SNX25: variants seen among roughly 807,000 people sequenced by gnomAD.
SNX25 encodes sorting nexin-25.
In SNX25, 62 loss-of-function variants were observed where a neutral mutation model predicts 113.7. The ratio of observed to expected loss-of-function variants is 0.55; its 90% CI spans 0.44 to 0.67. The LOEUF (loss-of-function observed/expected upper bound fraction) is 0.67. Ranked by LOEUF, SNX25 falls within the 30% of genes least tolerant of loss-of-function variation. The pLI, the probability that SNX25 is intolerant of heterozygous loss-of-function variation, is 0.00. For missense variants in SNX25, 1,014 were observed against 1,161.0 expected, an observed-to-expected ratio of 0.87 and a Z score of 1.84; for synonymous variants, 421 against 436.2, an observed-to-expected ratio of 0.97 and a Z score of 0.43.
At position 185,290,650 on chromosome 4, in the gene SNX25, A is replaced by G. The variant is rs557537073; in HGVS notation, c.1162+2568A>G. On this transcript the variant is annotated intron_variant, in intron 6 of 18. Transcript: ENST00000652585. ...TGAGAATGTGTGTACATGTTTATAT[A>G]TAAGGACAAAGTAACTGTCAAGAAT... 2.7e-5 allele frequency among the ~76,000 whole-genome samples: 4 copies of G among 149,664 alleles called. No homozygotes were observed. The South Asian group carries it at 9.0e-4, about 34-fold the overall frequency.
At chr4:185,256,679 G>A (rs1447096089) in intron 2 of SNX25, among the ~76,000 whole-genome samples, 2 of 133,214 alleles carry the variant, frequency 1.5e-5, no homozygotes, top group Non-Finnish European at 3.1e-5. Context: ...AGGCTGGAAT[G>A]CAGTGGCGCT....
At chr4:185,207,149 T>C (rs1182371183), upstream of SNX25, among the ~76,000 whole-genome samples, 2 of 152,056 alleles carry the variant, frequency 1.3e-5, no homozygotes, top group African/African-American at 4.8e-5. Context: ...AAATAATCCT[T>C]TGTCAGTTTT....
chr4:185,335,870 A>C (rs1448010834), intron 10 of SNX25, among the ~76,000 whole-genome samples: 1 of 152,196 alleles, frequency 6.6e-6, no homozygotes, highest in Non-Finnish European at 1.5e-5. Context: ...TGGAATTAAA[A>C]CAGACATGAA....
At chr4:185,263,196 T>C (rs940591164) in intron 3 of SNX25, among the ~76,000 whole-genome samples, 2 of 152,192 alleles carry the variant, frequency 1.3e-5, no homozygotes, top group Non-Finnish European at 2.9e-5. Flanking sequence ...TGAGAGAGAT[T>C]TTGATATTGT....
chr4:185,284,915 T>C (rs1368311915), intron 5 of SNX25, among the ~76,000 whole-genome samples: 1 of 152,174 alleles, frequency 6.6e-6, no homozygotes, highest in East Asian at 1.9e-4. Flanking sequence ...TGATGTTTAT[T>C]AGTAGTATAT....
At chr4:185,216,519 T>TG (rs1738858375) in intron 1 of SNX25, among the ~76,000 whole-genome samples, 1 of 146,114 alleles carries the variant, frequency 6.8e-6, no homozygotes, top group African/African-American at 2.6e-5. Context: ...TTTGGTTTTT[T>TG]TTTTTTTTTT....
chr4:185,224,458 G>GATATATAA (rs1443718789), intron 1 of SNX25, among the ~76,000 whole-genome samples: 241 of 22,232 alleles, frequency 0.011, 5 homozygotes, highest in South Asian at 0.029. Context: ...TATATATATA[G>GATATATAA]ATATATAAAT....
chr4:185,302,693 C>T (rs559857255), intron 6 of SNX25, among the ~76,000 whole-genome samples: 62 of 152,340 alleles, frequency 4.1e-4, no homozygotes, highest in African/African-American at 1.5e-3. Flanking sequence ...TGTGGACTTC[C>T]AGCCTCCAGA....
At chr4:185,337,773 A>G (rs2095239343) in intron 10 of SNX25, among the ~76,000 whole-genome samples, 1 of 152,118 alleles carries the variant, frequency 6.6e-6, no homozygotes, top group Non-Finnish European at 1.5e-5. Context: ...TTATTTTCTT[A>G]TTTCATAACC....
At chr4:185,218,886 T>C (rs922454566) in intron 1 of SNX25, among the ~76,000 whole-genome samples, 7 of 85,904 alleles carry the variant, frequency 8.1e-5, no homozygotes, top group African/African-American at 2.3e-4. Context: ...TTAAACTAAT[T>C]TTAAAGTTTT....
chr4:185,336,921 A>G (rs1294602806), intron 10 of SNX25, among the ~76,000 whole-genome samples: 2 of 152,114 alleles, frequency 1.3e-5, no homozygotes, highest in Non-Finnish European at 2.9e-5. Flanking sequence ...AGTGATGTTG[A>G]GCATTTTTTC....
chr4:185,207,470 G>C (rs897886341), upstream of SNX25, among the ~76,000 whole-genome samples: 1 of 151,898 alleles, frequency 6.6e-6, no homozygotes, highest in African/African-American at 2.4e-5. Context: ...CAGCCACCTC[G>C]GCTTCCCAAA....
At chr4:185,371,272 G>T (rs577399574), downstream of SNX25, among the ~76,000 whole-genome samples, 1 of 152,266 alleles carries the variant, frequency 6.6e-6, no homozygotes, top group Non-Finnish European at 1.5e-5. Flanking sequence ...GGGCGCGGTG[G>T]CTCACGCCTG....
Position 185,357,658 on chromosome 4 carries a change from G to C in SNX25, c.2585-13G>C. On this transcript the variant is annotated splice_polypyrimidine_tract_variant and intron_variant, in intron 15 of 18. Transcript: ENST00000652585. ...CCCTGTGATAAAAAGTTTTCCTCTG[G>C]TTTCTGTTTCAGTGTTTAAATGGGT... The C allele has an allele frequency of 6.2e-7, 1 of 1,613,184 alleles. No homozygotes were observed. Among genetic ancestry groups the C allele is most frequent in the Non-Finnish European group, 8.5e-7 (1 of 1,179,236 alleles).
At chr4:185,312,392 C>T (rs946272944) in intron 7 of SNX25, among the ~76,000 whole-genome samples, 1 of 152,022 alleles carries the variant, frequency 6.6e-6, no homozygotes, top group Non-Finnish European at 1.5e-5. Context: ...TGTTGTGGTA[C>T]AGGAAGATCT....
Position 185,341,879 on chromosome 4 carries a change from G to A in SNX25, c.2047-97G>A, listed in dbSNP as rs568040629. On this transcript the variant is annotated intron_variant, in intron 11 of 18. Coordinates refer to ENST00000652585, the MANE Select transcript of SNX25 (RefSeq NM_001378034.2). The stretch of plus-strand genomic sequence containing the variant: ...CCAGGGATCCTGCAAGGTACATCAC[G>A]GGGAGGGAAATCTCCTTAGGGGGAC... 6.3e-5 allele frequency: 82 copies of A among 1,292,892 alleles called. No homozygotes were observed. In the African/African-American group the frequency reaches 1.1e-3, roughly 18 times the overall value. 80.1% of individuals were successfully genotyped at this position (1,292,892 alleles called of 1,614,324 possible).
At chr4:185,248,182 T>C (rs1334845941) in intron 2 of SNX25, among the ~76,000 whole-genome samples, 1 of 152,162 alleles carries the variant, frequency 6.6e-6, no homozygotes, top group Non-Finnish European at 1.5e-5. Context: ...TTCACAGAAT[T>C]TTAGACCTTT....
At position 185,362,237 on chromosome 4, in the gene SNX25, G is replaced by T. The variant is rs2095368269; in HGVS notation, c.2833+132G>T. The T allele has an allele frequency of 4.3e-6, 6 of 1,384,068 alleles. No individual in the cohort carries two copies. The East Asian group carries it at 1.5e-4, about 36-fold the overall frequency. The allele number at this position is 1,384,068 out of a possible 1,614,324, so 85.7% of individuals were successfully genotyped here. ...AAAAAAAAGGATCATACTCTTTTAA[G>T]CCATTTTTTGTCACTTGCTAAGAAG... On this transcript the variant is annotated intron_variant, in intron 17 of 18. Coordinates refer to ENST00000652585, the MANE Select transcript of SNX25 (RefSeq NM_001378034.2).
At chr4:185,269,948 T>G (rs1748677178) in intron 5 of SNX25, among the ~76,000 whole-genome samples, 1 of 152,142 alleles carries the variant, frequency 6.6e-6, no homozygotes. Flanking sequence ...CTTAACACAG[T>G]TCCTGTATTG....
Sources: allele counts gnomAD v4.1 joint callset (sites outside exome capture counted in the v4.1 genomes callset), GRCh38; gene constraint gnomAD v4.1.1; transcripts MANE v1.5; gene names NCBI Gene and HGNC (gene_info 2026-07-23, HGNC 2026-07-21).